The following TMEM132B variants were observed in gnomAD, a reference collection of about 807,000 sequenced individuals.
TMEM132B encodes the protein transmembrane protein 132B.
TMEM132B carries 18 observed loss-of-function variants against 90.8 expected under a neutral mutation model. The observed-to-expected ratio is 0.20, with a 90% confidence interval of 0.14 to 0.29. The LOEUF is 0.29. Ranked by LOEUF, TMEM132B falls within the 10% of genes least tolerant of loss-of-function variation. TMEM132B has a pLI of 1.00. For synonymous variants in TMEM132B, 504 were observed against 523.3 expected (o/e 0.96, Z 0.50); for missense variants, 1,096 against 1,326.8 (o/e 0.83, Z 2.70).
intron 2 of TMEM132B, among the ~76,000 whole-genome samples, chr12:125,377,927 G>T (rs189539818): frequency 2.0e-5 from 3 of 152,146 alleles, no homozygotes; most frequent in Non-Finnish European, 4.4e-5. Context: ...GGGATACAGC[G>T]CACACATACG....
intron 5 of TMEM132B, among the ~76,000 whole-genome samples, chr12:125,609,013 C>G (rs1337729548): frequency 6.6e-6 from 1 of 152,128 alleles, no homozygotes; most frequent in Non-Finnish European, 1.5e-5. Flanking sequence ...TGGAAGGCAC[C>G]TTTTCACAGA....
intron 3 of TMEM132B, among the ~76,000 whole-genome samples, chr12:125,491,815 C>T (rs1882360681): frequency 6.6e-6 from 1 of 152,196 alleles, no homozygotes; most frequent in South Asian, 2.1e-4. Context: ...AAAACAGCAT[C>T]AAAGTGCATC....
chr12:125,511,850 T>TAAA (rs1188465342), intron 3 of TMEM132B, among the ~76,000 whole-genome samples: 1,116 of 89,672 alleles, frequency 0.012, 6 homozygotes, highest in Middle Eastern at 0.037. Flanking sequence ...AGACTCTATC[T>TAAA]CAAAAAAAAA....
intron 6 of TMEM132B, among the ~76,000 whole-genome samples, chr12:125,645,014 G>A (rs915530325): frequency 2.0e-5 from 3 of 151,428 alleles, no homozygotes; most frequent in Admixed American, 1.3e-4. Context: ...TCTGGAGATC[G>A]ACACCATCCT....
At chr12:125,637,066 C>T (rs1477405650) in intron 5 of TMEM132B, among the ~76,000 whole-genome samples, 3 of 152,164 alleles carry the variant, frequency 2.0e-5, no homozygotes, top group Non-Finnish European at 4.4e-5. Flanking sequence ...CTCTAGATTG[C>T]AGGTTAGTTT....
At chr12:125,528,878 A>G (rs895758636) in intron 4 of TMEM132B, among the ~76,000 whole-genome samples, 4 of 152,218 alleles carry the variant, frequency 2.6e-5, no homozygotes, top group African/African-American at 7.2e-5. Context: ...TCCATGGACC[A>G]GGATGAGGGG....
chr12:125,471,480 C>A lies in TMEM132B; in HGVS notation c.1107-47959C>A, dbSNP rs146599938. Among the ~76,000 whole-genome samples the A allele has an allele frequency of 2.8e-3, 431 of 152,306 alleles. 2 individuals are homozygous for A. Among genetic ancestry groups the A allele is most frequent in the African/African-American group, 9.7e-3 (405 of 41,558 alleles). ...TTGGCTGACTTCTTGTTGTGATAAT[C>A]ACAGATGATTTTAAAGTTAGAATGG... On this transcript the variant is annotated intron_variant, in intron 3 of 8. Coordinates refer to ENST00000682704, the MANE Select transcript of TMEM132B (RefSeq NM_001366854.1).
At chr12:125,341,675 T>C (rs1877184515) in intron 1 of TMEM132B, among the ~76,000 whole-genome samples, 1 of 152,232 alleles carries the variant, frequency 6.6e-6, no homozygotes, top group African/African-American at 2.4e-5. Flanking sequence ...AACTTTTTTC[T>C]ACTGCTGTTC....
chr12:125,339,378 C>A (rs559546258), intron 1 of TMEM132B, among the ~76,000 whole-genome samples: 1 of 152,058 alleles, frequency 6.6e-6, no homozygotes, highest in Non-Finnish European at 1.5e-5. Flanking sequence ...TGTGTGTGTC[C>A]GTTCTAATTT....
At chr12:125,193,822 G>A (rs1872857525) in intron 1 of TMEM132B, among the ~76,000 whole-genome samples, 1 of 152,250 alleles carries the variant, frequency 6.6e-6, no homozygotes, top group Admixed American at 6.5e-5. Flanking sequence ...TTCTTGCAGA[G>A]CAAGACAACA....
At position 125,271,587 on chromosome 12, in the gene TMEM132B, C is replaced by T. The variant is rs575979577; in HGVS notation, c.68-77865C>T. Among the ~76,000 whole-genome samples the T allele has an allele frequency of 2.0e-5, 3 of 152,256 alleles. 1 individual carries two copies. The highest frequency in any genetic ancestry group is 4.8e-5 in the African/African-American group (2 of 41,544). Reference sequence around the variant, plus strand: ...GGTACTTGGCTTATCCTGAGCTATGCTCACCTCTGGTGCTCTCTCTGATTG... The same window carrying T: ...GGTACTTGGCTTATCCTGAGCTATGTTCACCTCTGGTGCTCTCTCTGATTG... On this transcript the variant is annotated intron_variant, in intron 1 of 8. Transcript: ENST00000682704.
Position 125,209,869 on chromosome 12 carries a change from ACT to A in TMEM132B, c.67+23004_67+23005del, listed in dbSNP as rs1465600222. 6.6e-6 allele frequency among the ~76,000 whole-genome samples: 1 copy of A among 152,244 alleles called. No individual in the cohort carries two copies. The highest frequency in any genetic ancestry group is 2.4e-5 in the African/African-American group (1 of 41,474). On this transcript the variant is annotated intron_variant, in intron 1 of 8. Transcript: ENST00000682704. This position sits in a 1 kb window ranked among gnomAD's most constrained non-coding sequence, Gnocchi z 4.4. ...CTTTTCTCCTTCACTGGAGATAAAT[ACT>A]GTTAGATGGCCAGAGTGTCTTCCTC...
chr12:125,345,643 A>G (rs1040007961), intron 1 of TMEM132B, among the ~76,000 whole-genome samples: 2 of 152,160 alleles, frequency 1.3e-5, no homozygotes, highest in African/African-American at 4.8e-5. Flanking sequence ...AGCATCCTTT[A>G]GCCACAGAGC....
chr12:125,303,426 A>G (rs1593076494), intron 1 of TMEM132B, among the ~76,000 whole-genome samples: 1 of 152,158 alleles, frequency 6.6e-6, no homozygotes, highest in Non-Finnish European at 1.5e-5. Context: ...TTTGGATACT[A>G]TGAGTGATGC....
In TMEM132B at chr12:125,460,675, T is replaced by C. The variant is rs1881413631; in HGVS notation, c.1106+44998T>C. Among the ~76,000 whole-genome samples the C allele has an allele frequency of 6.6e-6, 1 of 152,112 alleles. No individual in the cohort carries two copies. The highest frequency in any genetic ancestry group is 2.1e-4 in the South Asian group (1 of 4,812). Reference sequence around the variant, plus strand: ...CAGCCCATAGACCAGAGTCAAAGGATGAAATAAAACAGTTGATTCCAGACC... The same window carrying C: ...CAGCCCATAGACCAGAGTCAAAGGACGAAATAAAACAGTTGATTCCAGACC... On this transcript the variant is annotated intron_variant, in intron 3 of 8. Coordinates refer to ENST00000682704, the MANE Select transcript of TMEM132B (RefSeq NM_001366854.1). The surrounding 1 kb of genome is among the most constrained non-coding windows in gnomAD (Gnocchi z 4.4).
chr12:125,256,480 T>C (rs1874441346), intron 1 of TMEM132B, among the ~76,000 whole-genome samples: 1 of 152,174 alleles, frequency 6.6e-6, no homozygotes, highest in Non-Finnish European at 1.5e-5. Context: ...CCAGCCTGTT[T>C]GTTGTAAATT....
chr12:125,595,695 A>G (rs1881659145), intron 5 of TMEM132B, among the ~76,000 whole-genome samples: 1 of 152,190 alleles, frequency 6.6e-6, no homozygotes. Flanking sequence ...CAGGGAAGTT[A>G]ATCACTATCA....
rs556541941 is a variant in TMEM132B at position 125,509,155 on chromosome 12, TG to T, written c.1107-10280del. On this transcript the variant is annotated intron_variant, in intron 3 of 8. Coordinates refer to ENST00000682704, the MANE Select transcript of TMEM132B (RefSeq NM_001366854.1). ...TGTGGATATATAACAGGCACAGGGCTGGGGACCTAGTGGTCACTCAGTAAAT... is the reference window on the plus strand; with the variant it reads ...TGTGGATATATAACAGGCACAGGGCTGGGACCTAGTGGTCACTCAGTAAAT... 4.6e-5 allele frequency among the ~76,000 whole-genome samples: 7 copies of T among 152,306 alleles called. No homozygotes were observed. In the South Asian group the frequency reaches 1.5e-3, roughly 32 times the overall value.
At chr12:125,592,167 T>G (rs1485914710) in intron 5 of TMEM132B, among the ~76,000 whole-genome samples, 1 of 152,252 alleles carries the variant, frequency 6.6e-6, no homozygotes, top group African/African-American at 2.4e-5. Flanking sequence ...AATTATGATT[T>G]AATCTTTATG....
Sources: allele counts gnomAD v4.1 joint callset (sites outside exome capture counted in the v4.1 genomes callset), GRCh38; gene constraint gnomAD v4.1.1; non-coding constraint Gnocchi (gnomAD v3.1); transcripts MANE v1.5; gene names NCBI Gene and HGNC (gene_info 2026-07-23, HGNC 2026-07-21).